Variants in CDH4 observed in about 807,000 individuals in gnomAD.
The protein encoded by CDH4 is cadherin-4.
CDH4 carries 33 observed loss-of-function variants against 86.0 expected under a neutral mutation model. The ratio of observed to expected loss-of-function variants is 0.38; its 90% CI spans 0.29 to 0.51. CDH4 has a LOEUF of 0.51. Among genes scored for constraint, CDH4 ranks in the 20% least tolerant of loss-of-function variants. The pLI is 0.86. For synonymous variants in CDH4, 555 were observed against 549.4 expected, an observed-to-expected ratio of 1.01 and a Z score of -0.14; for missense variants, 1,114 against 1,307.4, an observed-to-expected ratio of 0.85 and a Z score of 2.28.
chr20:61,747,979 ATAGT>A (rs1382440689), intron 3 of CDH4, among the ~76,000 whole-genome samples: 1 of 152,160 alleles, frequency 6.6e-6, no homozygotes, highest in Non-Finnish European at 1.5e-5. Flanking sequence ...TTATAGTAAA[ATAGT>A]TAGAACCCAA....
At chr20:61,696,256 G>A (rs768014297) in intron 2 of CDH4, among the ~76,000 whole-genome samples, 7 of 152,340 alleles carry the variant, frequency 4.6e-5, no homozygotes, top group East Asian at 3.9e-4. Flanking sequence ...AGGCCGACTC[G>A]GGCACAGAAG....
chr20:61,784,906 G>C (rs1978792723), intron 4 of CDH4, among the ~76,000 whole-genome samples: 1 of 152,134 alleles, frequency 6.6e-6, no homozygotes, highest in African/African-American at 2.4e-5. Flanking sequence ...GGCAAGTGCA[G>C]GCTGGATCCT....
In CDH4 at chr20:61,844,568, G is replaced by A. The variant is rs986370441; in HGVS notation, c.577-100G>A. ...GTCCCCATTGTACCTGAAAATGGTC[G>A]AGCTCGAGGAACTCATGAGAGGGGA... On this transcript the variant is annotated intron_variant, in intron 4 of 15. Transcript: ENST00000614565. 2.2e-5 allele frequency: 25 copies of A among 1,157,482 alleles called. No individual in the cohort carries two copies. The African/African-American group carries it at 2.5e-4, about 11-fold the overall frequency. 71.7% of individuals were successfully genotyped at this position (1,157,482 alleles called of 1,614,324 possible). A position where few individuals can be genotyped will look rare whatever the true frequency, so the allele number is the denominator to read the frequency against.
At chr20:61,509,990 A>T (rs185644242) in intron 2 of CDH4, among the ~76,000 whole-genome samples, 5 of 152,194 alleles carry the variant, frequency 3.3e-5, no homozygotes, top group Non-Finnish European at 7.4e-5. Flanking sequence ...ATTAAAATCA[A>T]TTGTAAAGTT....
At chr20:61,701,765 G>T (rs940506241) in intron 2 of CDH4, among the ~76,000 whole-genome samples, 4 of 152,270 alleles carry the variant, frequency 2.6e-5, no homozygotes, top group African/African-American at 9.6e-5. Flanking sequence ...TCTCAGGGTT[G>T]ACCTTGTTCT....
intron 2 of CDH4, among the ~76,000 whole-genome samples, chr20:61,666,937 A>G (rs1287339587): frequency 6.6e-6 from 1 of 152,216 alleles, no homozygotes; most frequent in East Asian, 1.9e-4. Flanking sequence ...AGCCTGGAGA[A>G]GGGTGAGAAG....
rs529936977 is a variant in CDH4, at chr20:61,572,700, G to A, written c.170-170863G>A. On this transcript the variant is annotated intron_variant, in intron 2 of 15. Coordinates refer to ENST00000614565, the MANE Select transcript of CDH4 (RefSeq NM_001794.5). ...ATTTCCACCATCTGGATCAGTTTGC[G>A]TCACACAAAAGAGGAGTCCTTCTCA... 5.3e-5 allele frequency among the ~76,000 whole-genome samples: 8 copies of A among 152,308 alleles called. No individual in the cohort carries two copies. In the South Asian group the frequency reaches 6.2e-4, roughly 12 times the overall value.
chr20:61,881,618 A>G lies in CDH4; in HGVS notation c.1050+7718A>G, dbSNP rs546742979. ...GGGGTCGTAGCTGGAGCAGAGGCCA[A>G]CGTCTCCATCTGAGAAGGGCCAGCG... On this transcript the variant is annotated intron_variant, in intron 7 of 15. Coordinates refer to ENST00000614565, the MANE Select transcript of CDH4 (RefSeq NM_001794.5). 6.4e-4 allele frequency among the ~76,000 whole-genome samples: 97 copies of G among 152,282 alleles called. 3 individuals carry two copies. The highest frequency in any genetic ancestry group is 2.1e-3 in the African/African-American group (89 of 41,566).
At position 61,429,006 on chromosome 20, in the gene CDH4, A is replaced by G. The variant is rs900356439; in HGVS notation, c.169+174069A>G. Among the ~76,000 whole-genome samples, 6 of 151,644 alleles carry G rather than the reference A, an allele frequency of 4.0e-5. 1 individual carries two copies. The highest frequency in any genetic ancestry group is 1.2e-4 in the African/African-American group (5 of 41,520). ...TGCCTTAGTTATCTAACTATATTGTATTAGTCCAGAACCTACTTTCTAGAC... is the reference window on the plus strand; with the variant it reads ...TGCCTTAGTTATCTAACTATATTGTGTTAGTCCAGAACCTACTTTCTAGAC... On this transcript the variant is annotated intron_variant, in intron 2 of 15. Transcript: ENST00000614565.
At chr20:61,794,236 TGA>T (rs1979399654) in intron 4 of CDH4, among the ~76,000 whole-genome samples, 1 of 151,796 alleles carries the variant, frequency 6.6e-6, no homozygotes, top group Non-Finnish European at 1.5e-5. Flanking sequence ...GGGAGAACTC[TGA>T]TGTGAGTACT....
intron 2 of CDH4, among the ~76,000 whole-genome samples, chr20:61,731,663 G>A (rs2088189654): frequency 6.6e-6 from 1 of 152,230 alleles, no homozygotes; most frequent in Admixed American, 6.5e-5. Flanking sequence ...GAACTGCGCA[G>A]GTGGGTTGGG....
intron 2 of CDH4, among the ~76,000 whole-genome samples, chr20:61,596,251 C>G (rs1217930092): frequency 6.6e-6 from 1 of 152,222 alleles, no homozygotes; most frequent in East Asian, 1.9e-4. Context: ...GAAGATGTAG[C>G]TATTGACAGG....
intron 2 of CDH4, chr20:61,719,122 C>A (rs1267314090): frequency 1.1e-5 from 5 of 471,120 alleles, no homozygotes; most frequent in South Asian, 7.7e-5. Flanking sequence ...TTCATGTCAC[C>A]TGCAGCCAAA....
At chr20:61,764,701 C>T (rs554012467) in intron 3 of CDH4, among the ~76,000 whole-genome samples, 1 of 152,342 alleles carries the variant, frequency 6.6e-6, no homozygotes, top group South Asian at 2.1e-4. Flanking sequence ...CCTTCCTCCC[C>T]AGATGTAAAG....
chr20:61,383,520 T>G (rs1327900172), intron 2 of CDH4, among the ~76,000 whole-genome samples: 1 of 77,042 alleles, frequency 1.3e-5, no homozygotes, highest in East Asian at 3.2e-4. Context: ...TATATGAATA[T>G]GTATGAATAT....
intron 6 of CDH4, among the ~76,000 whole-genome samples, chr20:61,873,046 T>C (rs985443761): frequency 5.3e-5 from 8 of 152,218 alleles, no homozygotes; most frequent in South Asian, 2.1e-4. Context: ...GAGTGCACTA[T>C]AGACCTCAAC....
intron 3 of CDH4, among the ~76,000 whole-genome samples, chr20:61,757,292 T>C (rs1355147457): frequency 1.3e-5 from 2 of 152,100 alleles, no homozygotes; most frequent in Admixed American, 6.5e-5. Context: ...CCGTCAGTAT[T>C]AGGTTTCATG....
intron 2 of CDH4, among the ~76,000 whole-genome samples, chr20:61,560,503 C>T (rs953537234): frequency 8.5e-5 from 13 of 152,348 alleles, no homozygotes; most frequent in South Asian, 2.1e-4. Context: ...GCCAAAGCCA[C>T]GTTTTTAGGA....
chr20:61,862,540 G>A (rs779402367), intron 6 of CDH4, among the ~76,000 whole-genome samples: 3 of 152,196 alleles, frequency 2.0e-5, no homozygotes, highest in Non-Finnish European at 2.9e-5. Context: ...GGGCAGGAGG[G>A]CAGTGGACAG....
Sources: allele counts gnomAD v4.1 joint callset (sites outside exome capture counted in the v4.1 genomes callset), GRCh38; gene constraint gnomAD v4.1.1; transcripts MANE v1.5; gene names NCBI Gene and HGNC (gene_info 2026-07-23, HGNC 2026-07-21).